The following ZKSCAN7 variants were observed in gnomAD, a reference collection of about 807,000 sequenced individuals.
ZKSCAN7 encodes the protein zinc finger protein with KRAB and SCAN domains 7.
Under a neutral mutation model 65.3 loss-of-function variants are expected in ZKSCAN7, and 38 were observed. The ratio of observed to expected loss-of-function variants is 0.58; its 90% confidence interval spans 0.45 to 0.76. ZKSCAN7 has a LOEUF of 0.76. Ranked by LOEUF, ZKSCAN7 falls within the 30% of genes least tolerant of loss-of-function variation. The pLI is 0.00. For synonymous variants in ZKSCAN7, 321 were observed against 321.0 expected, an observed-to-expected ratio of 1.00 and a Z score of 0.00; for missense variants, 815 against 913.3, an observed-to-expected ratio of 0.89 and a Z score of 1.39.
At chr3:44,576,976 T>C (rs1273761411), downstream of ZKSCAN7, among the ~76,000 whole-genome samples, 1 of 152,114 alleles carries the variant, frequency 6.6e-6, no homozygotes, top group African/African-American at 2.4e-5. Context: ...TTTTTTTTTT[T>C]TTTAAGTGAC....
chr3:44,580,007 G>C (rs1229189065), intron 5 of ZKSCAN7: 1 of 1,578,972 alleles, frequency 6.3e-7, no homozygotes, highest in Non-Finnish European at 8.7e-7. Flanking sequence ...AGTCCTGCTT[G>C]CTAGGGAACG....
rs1699321168 is a variant in ZKSCAN7 at position 44,557,212 on chromosome 3, A to G, written c.165A>G (p.Leu55=). 6 of 1,614,164 alleles carry G rather than the reference A, an allele frequency of 3.7e-6. No individual in the cohort carries two copies. In the East Asian group the frequency reaches 1.3e-4, roughly 36 times the overall value. The change falls in exon 2 of 6, where the codon CTA becomes CTG. Residue 55 remains leucine (L), a synonymous_variant. Transcript: ENST00000426540. The part of the protein sequence containing the change: ...NYPPVCEIFR[L]HFRQLCYHEM... ...CTCCTGTCTGCGAAATCTTCCGGCTACACTTCAGGCAATTGTGTTACCACG... is the reference window on the plus strand; with the variant it reads ...CTCCTGTCTGCGAAATCTTCCGGCTGCACTTCAGGCAATTGTGTTACCACG...
chr3:44,570,003 C>G lies in ZKSCAN7; in HGVS notation c.893C>G (p.Ser298Ter). The change falls in exon 6 of 6, where the codon TCA (serine) becomes TGA (stop). Residue 298 changes from serine to a stop codon, truncating the protein, a stop_gained. Coordinates refer to ENST00000426540, the MANE Select transcript of ZKSCAN7 (RefSeq NM_001288590.2). LOFTEE classifies it high-confidence loss of function. ...GGATCAGAGTCATCTAACAGGACATCAGGGGGACTCTTTGGGGTGGTTCCT... is the reference window on the plus strand; with the variant it reads ...GGATCAGAGTCATCTAACAGGACATGAGGGGGACTCTTTGGGGTGGTTCCT... ...FKGSESSNRT[S>*]GGLFGVVPGA... 1 of 1,611,286 alleles carries G rather than the reference C, an allele frequency of 6.2e-7. No homozygotes were observed. Among genetic ancestry groups the G allele is most frequent in the Non-Finnish European group, 8.5e-7 (1 of 1,179,092 alleles).
In ZKSCAN7 at chr3:44,571,435, G is replaced by A; in HGVS notation, c.*60G>A. 6.2e-7 allele frequency: 1 copy of A among 1,604,308 alleles called. No homozygotes were observed. The highest frequency in any genetic ancestry group is 8.5e-7 in the Non-Finnish European group (1 of 1,179,924). ...TGAGTTAAGCTGTCTTTATAAGCAG[G>A]ATGCTCATAGTGGTTTCCCGGAGCC... On this transcript the variant is annotated 3_prime_UTR_variant, in exon 6 of 6. Transcript: ENST00000426540.
At chr3:44,560,506 C>CT (rs33986362) in intron 2 of ZKSCAN7, among the ~76,000 whole-genome samples, 44 of 108,304 alleles carry the variant, frequency 4.1e-4, no homozygotes, top group South Asian at 1.1e-3. Context: ...TTTCCTGTAT[C>CT]TTTTTTTTTT....
chr3:44,570,203 C>T lies in ZKSCAN7; in HGVS notation c.1093C>T (p.Pro365Ser). The T allele has an allele frequency of 6.2e-7, 1 of 1,614,222 alleles. No individual in the cohort carries two copies. The highest frequency in any genetic ancestry group is 8.5e-7 in the Non-Finnish European group (1 of 1,180,028). ...DKYKEVGEHP[P>S]LSSSPVEHEG... ...ATATAAGGAAGTTGGGGAACATCCA[C>T]CTCTGTCTTCCAGTCCTGTTGAACA... is the stretch of plus-strand genomic sequence containing the variant. Residue 365 changes from proline (P) to serine (S), a missense_variant, in exon 6 of 6, where the codon CCT (proline) becomes TCT (serine). Transcript: ENST00000426540.
At chr3:44,576,870 A>G (rs1211560501), downstream of ZKSCAN7, among the ~76,000 whole-genome samples, 1 of 152,148 alleles carries the variant, frequency 6.6e-6, no homozygotes, top group African/African-American at 2.4e-5. Flanking sequence ...CCTCCTTCCA[A>G]GTTCTCTGCC....
Position 44,570,994 on chromosome 3 carries a change from T to G in ZKSCAN7, c.1884T>G (p.Leu628=), listed in dbSNP as rs750986930. Residue 628 remains leucine (L), a synonymous_variant, in exon 6 of 6, where the codon CTT becomes CTG. Transcript: ENST00000426540. ...AATGTCTTATTCGGCACCAGAGACTTCACACGGGTGAAAAGCCCTATAAAT... is the reference window on the plus strand; with the variant it reads ...AATGTCTTATTCGGCACCAGAGACTGCACACGGGTGAAAAGCCCTATAAAT... ...LSKCLIRHQR[L]HTGEKPYKCN... 3.7e-6 allele frequency: 6 copies of G among 1,614,006 alleles called. No individual in the cohort carries two copies. In the South Asian group the frequency reaches 6.6e-5, roughly 18 times the overall value.
chr3:44,573,264 CCTT>C (rs1559431360), downstream of ZKSCAN7, among the ~76,000 whole-genome samples: 1 of 152,226 alleles, frequency 6.6e-6, no homozygotes, highest in Non-Finnish European at 1.5e-5. Context: ...TTGTCTACCT[CCTT>C]CTCTTTCCAT....
At chr3:44,582,480 T>C (rs1700108707) in intron 5 of ZKSCAN7, among the ~76,000 whole-genome samples, 1 of 152,218 alleles carries the variant, frequency 6.6e-6, no homozygotes, top group Non-Finnish European at 1.5e-5. Context: ...TAGACGTTGA[T>C]TTCATTTACC....
chr3:44,580,028 G>A (rs377653169), intron 5 of ZKSCAN7: 62 of 1,577,948 alleles, frequency 3.9e-5, no homozygotes, highest in Middle Eastern at 1.7e-4. Context: ...CCCTTTTCTC[G>A]CTGCGGCCCT....
At chr3:44,562,859 A>T (rs1699515021) in intron 2 of ZKSCAN7, among the ~76,000 whole-genome samples, 1 of 151,952 alleles carries the variant, frequency 6.6e-6, no homozygotes, top group Admixed American at 6.6e-5. Flanking sequence ...AGTCCCAGCT[A>T]CTCGGGAGGC....
intron 4 of ZKSCAN7, 130 bp from the exon 5 acceptor site, chr3:44,568,177 G>C (rs1699688011): frequency 1.3e-6 from 2 of 1,537,156 alleles, no homozygotes; most frequent in African/African-American, 1.4e-5. Context: ...TCCTTTTCGA[G>C]GTGTCATCTC....
chr3:44,576,845 A>G (rs530499245), downstream of ZKSCAN7, among the ~76,000 whole-genome samples: 121 of 152,346 alleles, frequency 7.9e-4, no homozygotes, highest in African/African-American at 2.7e-3. Flanking sequence ...CCTCCAGGCT[A>G]GTTATCCAGT....
intron 1 of ZKSCAN7, among the ~76,000 whole-genome samples, chr3:44,556,268 A>T (rs1005012329): frequency 3.9e-5 from 6 of 152,216 alleles, no homozygotes; most frequent in Non-Finnish European, 7.3e-5. Context: ...GAGGTACACA[A>T]AGGGAAGCTA....
rs1366952623 is a variant in ZKSCAN7 at position 44,582,754 on chromosome 3, A to G, written c.812-218A>G. Among the ~76,000 whole-genome samples the G allele has an allele frequency of 5.3e-5, 8 of 152,258 alleles. No homozygotes were observed. The South Asian group carries it at 1.7e-3, about 32-fold the overall frequency. ...TAAAATTTGAGAATTACTGGACTAG[A>G]ATATTAAGGAGTAATCATTCCTCCC... On this transcript the variant is annotated intron_variant, in intron 5 of 5. Transcript: ENST00000341840.
Position 44,570,119 on chromosome 3 carries a change from G to T in ZKSCAN7, c.1009G>T (p.Asp337Tyr). The T allele has an allele frequency of 1.2e-6, 2 of 1,613,952 alleles. No homozygotes were observed. Among genetic ancestry groups the T allele is most frequent in the South Asian group, 2.2e-5 (2 of 91,034 alleles). Residue 337 changes from aspartate to tyrosine, a missense_variant, in exon 6 of 6, where the codon GAT (aspartate) becomes TAT (tyrosine). By Grantham distance (160) the Asp-to-Tyr change is radical. Coordinates refer to ENST00000426540, the MANE Select transcript of ZKSCAN7 (RefSeq NM_001288590.2). ...SDEEGSRLEN[D>Y]FLEITDEDKK... Reference sequence around the variant, plus strand: ...TGAAGAAGGGAGCAGACTAGAAAATGATTTCTTGGAAATAACAGATGAAGA... The same window carrying T: ...TGAAGAAGGGAGCAGACTAGAAAATTATTTCTTGGAAATAACAGATGAAGA...
intron 2 of ZKSCAN7, among the ~76,000 whole-genome samples, chr3:44,558,775 C>A (rs925700381): frequency 1.6e-5 from 2 of 128,654 alleles, no homozygotes; most frequent in Admixed American, 1.7e-4. Context: ...TTTCTCCTTT[C>A]TTCTTCATTT....
At chr3:44,564,019 G>A (rs1699558521) in intron 2 of ZKSCAN7, among the ~76,000 whole-genome samples, 1 of 152,200 alleles carries the variant, frequency 6.6e-6, no homozygotes, top group Admixed American at 6.5e-5. Context: ...CTCAGCAGAT[G>A]CAGCCTAATA....
Sources: allele counts gnomAD v4.1 joint callset (sites outside exome capture counted in the v4.1 genomes callset), GRCh38; gene constraint gnomAD v4.1.1; transcripts MANE v1.5; gene names NCBI Gene and HGNC (gene_info 2026-07-23, HGNC 2026-07-21).